Variants in COL24A1 observed in about 807,000 individuals in gnomAD.
The protein encoded by COL24A1 is collagen type XXIV alpha 1 chain, also known as collagen alpha-1(XXIV) chain.
Under a neutral mutation model 253.9 loss-of-function variants are expected in COL24A1, and 224 were observed. The ratio of observed to expected loss-of-function variants is 0.88; its 90% CI spans 0.79 to 0.99. COL24A1 has a LOEUF of 0.99. Among genes scored for constraint, COL24A1 ranks in the 50% least tolerant of loss-of-function variants. The probability of loss-of-function intolerance (pLI) is 0.00; values close to 1 mark genes in which losing one functional copy is unlikely to be tolerated. For missense variants in COL24A1, 2,131 were observed against 2,068.5 expected (o/e 1.03, Z -0.59); for synonymous variants, 685 against 673.7 (o/e 1.02, Z -0.26).
At position 85,927,942 on chromosome 1, in the gene COL24A1, C is replaced by A. The variant is rs1227237404; in HGVS notation, c.2563-16509G>T. Among the ~76,000 whole-genome samples, 98 of 128,598 alleles carry A rather than the reference C, an allele frequency of 7.6e-4. 3 individuals carry two copies. Among genetic ancestry groups the A allele is most frequent in the African/African-American group, 2.7e-3 (93 of 34,090 alleles). The allele number at this position is 128,598 out of a possible 152,430, so 84.4% of individuals were successfully genotyped here. A position where few individuals can be genotyped will look rare whatever the true frequency, so the allele number is the denominator to read the frequency against. On this transcript the variant is annotated intron_variant, in intron 24 of 59. Coordinates refer to ENST00000370571, the MANE Select transcript of COL24A1 (RefSeq NM_152890.7). ...CAAAAACCCATCTGTACATCACCAT[C>A]ATCAAAGACCAAAAGTAGATAAAAC...
chr1:85,779,125 C>T (rs999712479), intron 52 of COL24A1, among the ~76,000 whole-genome samples: 2 of 152,002 alleles, frequency 1.3e-5, no homozygotes, highest in East Asian at 3.9e-4. Flanking sequence ...CCCATCTTAG[C>T]CTCCCAAGTA....
rs527635400 is a variant in COL24A1 at position 85,788,293 on chromosome 1, G to A, written c.3952-1832C>T. Among the ~76,000 whole-genome samples the A allele has an allele frequency of 1.8e-4, 28 of 152,104 alleles. 1 individual carries two copies. Among genetic ancestry groups the A allele is most frequent in the African/African-American group, 5.3e-4 (22 of 41,498 alleles). Reference sequence around the variant, plus strand: ...TTTTTAACAGAGATGTAGTTTCACCGTGTTAGCCAGAATGGTCTTGATCTC... The same window carrying A: ...TTTTTAACAGAGATGTAGTTTCACCATGTTAGCCAGAATGGTCTTGATCTC... On this transcript the variant is annotated intron_variant, in intron 47 of 59. Coordinates refer to ENST00000370571, the MANE Select transcript of COL24A1 (RefSeq NM_152890.7).
chr1:86,008,457 G>A (rs995818616), intron 19 of COL24A1, among the ~76,000 whole-genome samples: 1 of 151,808 alleles, frequency 6.6e-6, no homozygotes. Context: ...ATGCTGCCCA[G>A]GCCAGTATTG....
intron 3 of COL24A1, among the ~76,000 whole-genome samples, chr1:86,122,741 A>G (rs966251896): frequency 6.6e-6 from 1 of 151,770 alleles, no homozygotes; most frequent in African/African-American, 2.4e-5. Flanking sequence ...CTTGAATCCT[A>G]CTTTTCCTTT....
At chr1:85,763,632 C>T (rs1667064323) in intron 53 of COL24A1, among the ~76,000 whole-genome samples, 1 of 151,352 alleles carries the variant, frequency 6.6e-6, no homozygotes, top group Non-Finnish European at 1.5e-5. Context: ...GCTGGGACTA[C>T]AGGCGTGCGC....
chr1:85,760,302 C>A (rs1034274566), intron 55 of COL24A1, among the ~76,000 whole-genome samples: 1 of 152,076 alleles, frequency 6.6e-6, no homozygotes, highest in East Asian at 1.9e-4. Flanking sequence ...ACTTCAGCCT[C>A]CCAAAGTGCT....
intron 23 of COL24A1, among the ~76,000 whole-genome samples, chr1:85,963,193 T>A (rs893124120): frequency 2.0e-5 from 3 of 152,118 alleles, no homozygotes; most frequent in African/African-American, 7.2e-5. Context: ...GAAATAAACT[T>A]TCAAAGTCTA....
chr1:85,777,296 CT>C (rs993841804), intron 52 of COL24A1, among the ~76,000 whole-genome samples: 3 of 152,146 alleles, frequency 2.0e-5, no homozygotes, highest in Non-Finnish European at 2.9e-5. Flanking sequence ...TATATACACC[CT>C]TTTCCACACC....
At chr1:85,809,787 ATAT>A (rs1456060154) in intron 47 of COL24A1, among the ~76,000 whole-genome samples, 3 of 147,244 alleles carry the variant, frequency 2.0e-5, no homozygotes, top group South Asian at 2.1e-4. Context: ...ATAGTATATA[ATAT>A]TATATATAGT....
intron 2 of COL24A1, among the ~76,000 whole-genome samples, chr1:86,143,495 G>T (rs1651449332): frequency 6.6e-6 from 1 of 151,960 alleles, no homozygotes; most frequent in East Asian, 1.9e-4. Flanking sequence ...TATACACATG[G>T]TCATAATAAG....
intron 37 of COL24A1, among the ~76,000 whole-genome samples, chr1:85,850,852 GTTA>G (rs1677682205): frequency 1.3e-5 from 2 of 151,972 alleles, no homozygotes; most frequent in African/African-American, 2.4e-5. Context: ...TATGCTAGTC[GTTA>G]TTAACTTCTG....
chr1:86,129,439 A>T (rs909818389), intron 2 of COL24A1, among the ~76,000 whole-genome samples: 1 of 151,602 alleles, frequency 6.6e-6, no homozygotes, highest in Non-Finnish European at 1.5e-5. Flanking sequence ...TTTATTAATT[A>T]TCTCTTCCCA....
At chr1:86,016,613 T>C (rs1431930038) in intron 19 of COL24A1, among the ~76,000 whole-genome samples, 1 of 152,200 alleles carries the variant, frequency 6.6e-6, no homozygotes, top group Non-Finnish European at 1.5e-5. Flanking sequence ...CATAGTAGGA[T>C]TTTTTAAAAT....
chr1:85,785,607 G>C (rs765952571), intron 48 of COL24A1, among the ~76,000 whole-genome samples: 1 of 152,150 alleles, frequency 6.6e-6, no homozygotes, highest in Admixed American at 6.6e-5. Context: ...GAATATTCAT[G>C]GTATAAACAT....
intron 10 of COL24A1, among the ~76,000 whole-genome samples, chr1:86,051,112 C>A (rs1700265584): frequency 6.6e-6 from 1 of 152,002 alleles, no homozygotes; most frequent in Non-Finnish European, 1.5e-5. Context: ...GAATATAGGC[C>A]AACCTGTTAG....
chr1:86,111,316 C>G (rs1160608173), intron 5 of COL24A1, among the ~76,000 whole-genome samples: 6 of 152,164 alleles, frequency 3.9e-5, no homozygotes, highest in Admixed American at 1.3e-4. Flanking sequence ...AATCAGCACT[C>G]TGTGTCTAGC....
chr1:85,921,268 C>T (rs1347090012), intron 24 of COL24A1, among the ~76,000 whole-genome samples: 2 of 152,242 alleles, frequency 1.3e-5, no homozygotes, highest in African/African-American at 4.8e-5. Flanking sequence ...GCAAATGGCA[C>T]ACCAGGAGAT....
At chr1:85,966,505 A>C (rs1301163254) in intron 22 of COL24A1, among the ~76,000 whole-genome samples, 1 of 152,134 alleles carries the variant, frequency 6.6e-6, no homozygotes, top group Non-Finnish European at 1.5e-5. Context: ...TCATTTAGCC[A>C]GTGAGTATAG....
chr1:85,822,154 TG>T (rs936047867), intron 45 of COL24A1, among the ~76,000 whole-genome samples: 149 of 152,264 alleles, frequency 9.8e-4, no homozygotes, highest in African/African-American at 3.1e-3. Flanking sequence ...TATTATTTAT[TG>T]GGGAACCTAA....
Sources: allele counts gnomAD v4.1 joint callset (sites outside exome capture counted in the v4.1 genomes callset), GRCh38; gene constraint gnomAD v4.1.1; transcripts MANE v1.5; gene names NCBI Gene and HGNC (gene_info 2026-07-23, HGNC 2026-07-21).